FOXO1: variants seen among roughly 807,000 people sequenced by gnomAD.
The protein encoded by FOXO1 is forkhead box O1.
In FOXO1, 6 loss-of-function variants were observed where a neutral mutation model predicts 44.1. The observed-to-expected ratio is 0.14, with a 90% CI of 0.07 to 0.27. The LOEUF (loss-of-function observed/expected upper bound fraction) is 0.27, where lower values mean the gene tolerates loss of function less well. FOXO1 is among the 10% of genes least tolerant of loss of function. The pLI is 1.00. For missense variants in FOXO1, 737 were observed against 888.8 expected, an observed-to-expected ratio of 0.83 and a Z score of 2.17; for synonymous variants, 380 against 362.7, an observed-to-expected ratio of 1.05 and a Z score of -0.54.
intron 1 of FOXO1, among the ~76,000 whole-genome samples, chr13:40,628,690 C>G (rs955402955): frequency 6.6e-6 from 1 of 152,208 alleles, no homozygotes; most frequent in Non-Finnish European, 1.5e-5. Flanking sequence ...AACCTACTGA[C>G]AGAAGCAGAT....
At chr13:40,610,838 A>G (rs187459278) in intron 1 of FOXO1, among the ~76,000 whole-genome samples, 3 of 152,382 alleles carry the variant, frequency 2.0e-5, no homozygotes, top group Admixed American at 6.5e-5. Flanking sequence ...TGCCAGGATA[A>G]CCAATTAAAT....
intron 1 of FOXO1, among the ~76,000 whole-genome samples, chr13:40,623,266 CT>C (rs1251626963): frequency 4.6e-5 from 7 of 151,240 alleles, no homozygotes; most frequent in Non-Finnish European, 1.0e-4. Flanking sequence ...TGAACACAGG[CT>C]TTTTTTTTCC....
intron 1 of FOXO1, among the ~76,000 whole-genome samples, chr13:40,624,317 T>TAAAAAAAAA (rs10552634): frequency 4.0e-5 from 4 of 100,990 alleles, no homozygotes; most frequent in South Asian, 3.8e-4. Flanking sequence ...TAATACTGCT[T>TAAAAAAAAA]AAAAAAAAAA....
intron 1 of FOXO1, among the ~76,000 whole-genome samples, chr13:40,579,786 G>A (rs534170295): frequency 2.0e-5 from 3 of 152,264 alleles, no homozygotes; most frequent in African/African-American, 7.2e-5. Flanking sequence ...TGTACACAAG[G>A]TTTCCCCATT....
chr13:40,620,343 G>A, intron 1 of FOXO1: 2 of 755,684 alleles, frequency 2.6e-6, no homozygotes, highest in Non-Finnish European at 4.7e-6. Context: ...CAATAGTGGG[G>A]GCTTCTGCCG....
chr13:40,663,542 G>C (rs531816853), intron 1 of FOXO1, among the ~76,000 whole-genome samples: 1 of 151,944 alleles, frequency 6.6e-6, no homozygotes, highest in South Asian at 2.1e-4. Flanking sequence ...TTTTTTAAAT[G>C]GCTAATACTC....
chr13:40,634,775 G>C (rs1211100937), intron 1 of FOXO1, among the ~76,000 whole-genome samples: 2 of 152,204 alleles, frequency 1.3e-5, no homozygotes, highest in East Asian at 3.9e-4. Context: ...CACCTCCTGG[G>C]CTCAAGCAAT....
chr13:40,604,186 A>G (rs1437275536), intron 1 of FOXO1, among the ~76,000 whole-genome samples: 1 of 152,048 alleles, frequency 6.6e-6, no homozygotes, highest in African/African-American at 2.4e-5. Context: ...CACTAAGGAA[A>G]AAAAAAAAAG....
At chr13:40,644,837 T>C (rs1359535474) in intron 1 of FOXO1, among the ~76,000 whole-genome samples, 1 of 152,222 alleles carries the variant, frequency 6.6e-6, no homozygotes, top group Non-Finnish European at 1.5e-5. Context: ...CATGGTCTCA[T>C]ATTCTCTAAG....
intron 1 of FOXO1, among the ~76,000 whole-genome samples, chr13:40,638,142 T>C (rs1432313987): frequency 6.6e-6 from 1 of 152,240 alleles, no homozygotes. Context: ...GCTGTGAAGG[T>C]TCTTTCTGTT....
rs149656702 is a variant in FOXO1, at chr13:40,605,613, C to T, written c.631-44753G>A. ...TCAATCTGGCCCAAAAATACAGCCT[C>T]AGCCTGTTGAAATTCTACCTAAACT... On this transcript the variant is annotated intron_variant, in intron 1 of 2. Coordinates refer to ENST00000379561, the MANE Select transcript of FOXO1 (RefSeq NM_002015.4). Among the ~76,000 whole-genome samples, 471 of 152,292 alleles carry T rather than the reference C, an allele frequency of 3.1e-3. 7 individuals are homozygous for T. Among genetic ancestry groups the T allele is most frequent in the African/African-American group, 0.011 (459 of 41,552 alleles).
chr13:40,629,733 T>C (rs189555803), intron 1 of FOXO1, among the ~76,000 whole-genome samples: 144 of 152,338 alleles, frequency 9.5e-4, no homozygotes, highest in African/African-American at 3.3e-3. Flanking sequence ...AACCTGCATA[T>C]GGACATAAGA....
At chr13:40,591,047 A>G (rs976212916) in intron 1 of FOXO1, among the ~76,000 whole-genome samples, 3 of 152,020 alleles carry the variant, frequency 2.0e-5, no homozygotes, top group Non-Finnish European at 4.4e-5. Flanking sequence ...CAGATGGAGG[A>G]CCCCTTTATA....
At chr13:40,661,712 C>T (rs532371926) in intron 1 of FOXO1, among the ~76,000 whole-genome samples, 1 of 152,192 alleles carries the variant, frequency 6.6e-6, no homozygotes, top group African/African-American at 2.4e-5. Context: ...GACCATGCAA[C>T]AAAAAAGCAG....
chr13:40,591,933 C>T (rs1039089712), intron 1 of FOXO1, among the ~76,000 whole-genome samples: 9 of 152,056 alleles, frequency 5.9e-5, no homozygotes, highest in Non-Finnish European at 2.9e-5. Flanking sequence ...TCTCGAGTTC[C>T]GGGCCTCAAG....
At position 40,570,374 on chromosome 13, in the gene FOXO1, G is replaced by A. The variant is rs1874441117; in HGVS notation, c.631-9514C>T. Among the ~76,000 whole-genome samples the A allele has an allele frequency of 2.6e-5, 4 of 151,538 alleles. No homozygotes were observed. The South Asian group carries it at 8.4e-4, about 32-fold the overall frequency. On this transcript the variant is annotated intron_variant, in intron 1 of 2. Coordinates refer to ENST00000379561, the MANE Select transcript of FOXO1 (RefSeq NM_002015.4). ...GAGGTGAGGAGGTCAAGGAGTGTAA[G>A]AACGTACTACAGGACAAAAGAGGTG...
intron 1 of FOXO1, among the ~76,000 whole-genome samples, chr13:40,579,987 C>T (rs1297829092): frequency 6.6e-6 from 1 of 152,210 alleles, no homozygotes; most frequent in Non-Finnish European, 1.5e-5. Context: ...TGGTCAATTA[C>T]TTCTTTTACA....
At chr13:40,652,616 A>G (rs778209190) in intron 1 of FOXO1, among the ~76,000 whole-genome samples, 3 of 152,208 alleles carry the variant, frequency 2.0e-5, no homozygotes, top group Non-Finnish European at 4.4e-5. Flanking sequence ...GTGACTGAAC[A>G]TGCCTATCTT....
Position 40,666,009 on chromosome 13 carries a change from G to C in FOXO1, c.204C>G (p.Ala68=). Reference sequence around the variant, plus strand: ...GCAAGCTCAGGTTGCTCATGAAGTCGGCGCTGACAGCGGCAGCCGAGGCCG... The same window carrying C: ...GCAAGCTCAGGTTGCTCATGAAGTCCGCGCTGACAGCGGCAGCCGAGGCCG... ...LPSASAAAVS[A]DFMSNLSLLE... Residue 68 remains alanine, a synonymous_variant, in exon 1 of 3, where the codon GCC becomes GCG. Coordinates refer to ENST00000379561, the MANE Select transcript of FOXO1 (RefSeq NM_002015.4). The C allele has an allele frequency of 7.9e-7, 1 of 1,268,410 alleles. No homozygotes were observed. Among genetic ancestry groups the C allele is most frequent in the Non-Finnish European group, 9.9e-7 (1 of 1,008,646 alleles). The allele number at this position is 1,268,410 out of a possible 1,614,324, so 78.6% of individuals were successfully genotyped here.
Sources: gnomAD v4.1 joint callset for allele counts (sites outside exome capture counted in the v4.1 genomes callset) on GRCh38, gnomAD v4.1.1 for gene constraint, MANE v1.5 for transcripts, NCBI Gene and HGNC (gene_info 2026-07-23, HGNC 2026-07-21) for gene names.